The following HERC2 variants were observed in gnomAD, a reference collection of about 807,000 sequenced individuals.
HERC2 encodes E3 ubiquitin-protein ligase HERC2.
In HERC2, 102 loss-of-function variants were observed where a neutral mutation model predicts 537.7. The observed-to-expected ratio is 0.19, with a 90% confidence interval of 0.16 to 0.22. The LOEUF is 0.22. Among genes scored for constraint, HERC2 ranks in the 10% least tolerant of loss-of-function variants. The pLI is 1.00. For synonymous variants in HERC2, 2,224 were observed against 2,466.2 expected, an observed-to-expected ratio of 0.90 and a Z score of 2.91; for missense variants, 4,236 against 6,198.2, an observed-to-expected ratio of 0.68 and a Z score of 10.63.
chr15:28,220,537 T>C lies in HERC2; in HGVS notation c.5760A>G (p.Lys1920=). Residue 1920 remains lysine (K), a synonymous_variant, in exon 37 of 93, where the codon AAA becomes AAG. Transcript: ENST00000261609. ...TGSTNSYRMG[K]EGKYDLKLAE... ...CCAGCTTGAGGTCGTATTTTCCTTC[T>C]TTCCCCATCCTGTAGGAGTTGGTGC... 2 of 1,601,272 alleles carry C rather than the reference T, an allele frequency of 1.2e-6. No individual in the cohort carries two copies. The highest frequency in any genetic ancestry group is 1.7e-6 in the Non-Finnish European group (2 of 1,179,784).
At position 28,111,389 on chromosome 15, in the gene HERC2, G is replaced by T; in HGVS notation, c.*374C>A. On this transcript the variant is annotated 3_prime_UTR_variant, in exon 93 of 93. Coordinates refer to ENST00000261609, the MANE Select transcript of HERC2 (RefSeq NM_004667.6). ...CCAATATACAATCAAGACGACTCAC[G>T]ACACTTGAAAGAAAGGAGAAAGAAA... 4.7e-6 allele frequency: 1 copy of T among 214,772 alleles called. No homozygotes were observed. The highest frequency in any genetic ancestry group is 8.8e-6 in the Non-Finnish European group (1 of 114,154). 13.3% of individuals were successfully genotyped at this position (214,772 alleles called of 1,614,324 possible).
chr15:28,167,088 A>G (rs1323046016), intron 68 of HERC2, among the ~76,000 whole-genome samples: 1 of 152,234 alleles, frequency 6.6e-6, no homozygotes, highest in Non-Finnish European at 1.5e-5. Context: ...AGAATCTTTA[A>G]GATGCTAAAA....
At chr15:28,246,291 G>A (rs942326436) in intron 22 of HERC2, among the ~76,000 whole-genome samples, 1 of 151,888 alleles carries the variant, frequency 6.6e-6, no homozygotes, top group Non-Finnish European at 1.5e-5. Context: ...TTCAATCACA[G>A]AACTATGAAC....
intron 2 of HERC2, among the ~76,000 whole-genome samples, chr15:28,310,726 G>A (rs2076918167): frequency 6.6e-6 from 1 of 152,060 alleles, no homozygotes; most frequent in Admixed American, 6.6e-5. Context: ...AAGGGAATAC[G>A]ACATTTGACC....
chr15:28,153,263 G>A (rs1184383127), intron 69 of HERC2, among the ~76,000 whole-genome samples: 2 of 152,198 alleles, frequency 1.3e-5, no homozygotes, highest in Non-Finnish European at 2.9e-5. Context: ...TGAGGCAGGA[G>A]AATCACTTGA....
At chr15:28,248,436 G>T in intron 21 of HERC2, 116 bp downstream of exon 21, 2 of 657,622 alleles carry the variant, frequency 3.0e-6, no homozygotes, top group Non-Finnish European at 2.5e-6. Context: ...CCCAAAATTG[G>T]TGCATTTAGT....
intron 69 of HERC2, among the ~76,000 whole-genome samples, chr15:28,154,886 G>A (rs1015615943): frequency 1.3e-5 from 2 of 151,144 alleles, no homozygotes; most frequent in Non-Finnish European, 2.9e-5. Flanking sequence ...ATTTACATTA[G>A]GTATATCTCC....
rs776669434 is a variant in HERC2, at chr15:28,125,149, C to T, written c.12847G>A (p.Asp4283Asn). 1.2e-6 allele frequency: 2 copies of T among 1,613,966 alleles called. No individual in the cohort carries two copies. The highest frequency in any genetic ancestry group is 1.3e-5 in the African/African-American group (1 of 74,946). ...WGDNDEGQLG[D>N]GTTNAIQRPR... ...CTCTGGATGGCATTGGTGGTTCCGT[C>T]TCCCAGTTGTCCCTCATCATTGTCG... The change falls in exon 84 of 93, where the codon GAC (aspartate) becomes AAC (asparagine). Residue 4283 changes from aspartate to asparagine, a missense_variant. Physicochemically the swap from Asp to Asn is conservative, Grantham distance 23 (BLOSUM62 1). Around this residue, in one of 27 missense-constraint regions of HERC2, gnomAD observed 189 missense variants for 255.7 expected, o/e 0.74. Transcript: ENST00000261609.
chr15:28,128,632 G>A (rs1203709609), intron 83 of HERC2, among the ~76,000 whole-genome samples: 4 of 152,214 alleles, frequency 2.6e-5, no homozygotes, highest in Non-Finnish European at 4.4e-5. Flanking sequence ...CAGTTTGTGC[G>A]AAGGCCATGT....
chr15:28,125,155 G>A lies in HERC2; in HGVS notation c.12841C>T (p.Leu4281=). Residue 4281 remains leucine, a synonymous_variant, in exon 84 of 93, where the codon CTG becomes TTG. Coordinates refer to ENST00000261609, the MANE Select transcript of HERC2 (RefSeq NM_004667.6). Reference sequence around the variant, plus strand: ...ATGGCATTGGTGGTTCCGTCTCCCAGTTGTCCCTCATCATTGTCGCCCCAT... The same window carrying A: ...ATGGCATTGGTGGTTCCGTCTCCCAATTGTCCCTCATCATTGTCGCCCCAT... ...YTWGDNDEGQ[L]GDGTTNAIQR... The A allele has an allele frequency of 1.2e-6, 2 of 1,613,944 alleles. No homozygotes were observed. Among genetic ancestry groups the A allele is most frequent in the Non-Finnish European group, 1.7e-6 (2 of 1,179,798 alleles).
intron 34 of HERC2, 39 bp from the exon 35 acceptor site, chr15:28,228,448 G>C: frequency 6.4e-7 from 1 of 1,567,676 alleles, no homozygotes; most frequent in East Asian, 2.2e-5. Flanking sequence ...TCTTGTGATG[G>C]ATACAAGAAT....
chr15:28,228,601 T>C (rs1460693865), intron 34 of HERC2, among the ~76,000 whole-genome samples, 192 bp from the exon 35 acceptor site: 5 of 152,204 alleles, frequency 3.3e-5, no homozygotes. Flanking sequence ...TAATAAGCAT[T>C]GACACCCACC....
chr15:28,293,118 A>G (rs2076364478), intron 3 of HERC2, 96 bp from the exon 4 acceptor site: 1 of 980,974 alleles, frequency 1.0e-6, no homozygotes, highest in African/African-American at 1.6e-5. Flanking sequence ...TACAACACAC[A>G]TCATTAACTG....
At chr15:28,191,565 G>A (rs1349106553) in intron 53 of HERC2, among the ~76,000 whole-genome samples, 1 of 152,206 alleles carries the variant, frequency 6.6e-6, no homozygotes, top group Non-Finnish European at 1.5e-5. Flanking sequence ...AGTCTGACCT[G>A]TGTGCCCACG....
At chr15:28,227,791 C>T (rs1462997441) in intron 35 of HERC2, among the ~76,000 whole-genome samples, 2 of 152,134 alleles carry the variant, frequency 1.3e-5, no homozygotes, top group African/African-American at 2.4e-5. Context: ...TATATTCATA[C>T]AATGAAATCT....
intron 4 of HERC2, among the ~76,000 whole-genome samples, chr15:28,282,033 T>C (rs549432795): frequency 3.9e-5 from 6 of 152,164 alleles, no homozygotes; most frequent in Non-Finnish European, 8.8e-5. Flanking sequence ...CCATCAGTCA[T>C]GTACACTCTG....
At chr15:28,256,772 T>C (rs1368744650) in intron 17 of HERC2, among the ~76,000 whole-genome samples, 2 of 152,172 alleles carry the variant, frequency 1.3e-5, no homozygotes, top group Non-Finnish European at 2.9e-5. Context: ...TTTTTTGTAT[T>C]TTTAGTAGAG....
intron 65 of HERC2, among the ~76,000 whole-genome samples, chr15:28,172,074 A>AAAAAAAAAAAAAGTCTC (rs1303936154): frequency 9.0e-4 from 128 of 142,556 alleles, no homozygotes; most frequent in African/African-American, 3.2e-3. Context: ...ACTCCGTCTC[A>AAAAAAAAAAAAAGTCTC]AAAAAAAAAA....
intron 2 of HERC2, among the ~76,000 whole-genome samples, chr15:28,301,494 A>G (rs1296106363): frequency 6.6e-6 from 1 of 151,366 alleles, no homozygotes; most frequent in Non-Finnish European, 1.5e-5. Flanking sequence ...AACTGTGAGC[A>G]TCAAAATCAA....
Sources: gnomAD v4.1 joint callset for allele counts (sites outside exome capture counted in the v4.1 genomes callset) on GRCh38, gnomAD v4.1.1 for gene constraint, gnomAD v4.1.1 regional missense constraint, MANE v1.5 for transcripts, NCBI Gene and HGNC (gene_info 2026-07-23, HGNC 2026-07-21) for gene names.